Variants in FMO4 observed in about 807,000 individuals in gnomAD.
The protein encoded by FMO4 is flavin containing dimethylaniline monoxygenase 4.
A neutral mutation model predicts 43.3 loss-of-function variants in FMO4; 38 were observed. The observed-to-expected ratio is 0.88, with a 90% confidence interval of 0.68 to 1.15. The LOEUF (loss-of-function observed/expected upper bound fraction) is 1.15, where lower values mean the gene tolerates loss of function less well. Among genes scored for constraint, FMO4 ranks in the 50% most tolerant of loss-of-function variants. The pLI is 0.00. For synonymous variants in FMO4, 224 were observed against 232.2 expected, an observed-to-expected ratio of 0.96 and a Z score of 0.32; for missense variants, 631 against 663.3, an observed-to-expected ratio of 0.95 and a Z score of 0.54.
intron 8 of FMO4, among the ~76,000 whole-genome samples, chr1:171,336,616 T>A (rs1455022080): frequency 6.6e-6 from 1 of 152,046 alleles, no homozygotes; most frequent in Non-Finnish European, 1.5e-5. Context: ...AAGTGGGTTT[T>A]TTTTAGAGAC....
At position 171,340,897 on chromosome 1, in the gene FMO4, T is replaced by A. The variant is rs554208185; in HGVS notation, c.1251-516T>A. 2.3e-3 allele frequency among the ~76,000 whole-genome samples: 347 copies of A among 152,188 alleles called. 1 individual carries two copies. The highest frequency in any genetic ancestry group is 7.5e-3 in the African/African-American group (311 of 41,568). On this transcript the variant is annotated intron_variant, in intron 9 of 9. Transcript: ENST00000367749. ...AAAATGAGTATTTGGTCCAAAAAAA[T>A]TAAAAATAATTAAGATTTTAGGGCT...
intron 4 of FMO4, 24 bp downstream of exon 4, chr1:171,323,216 G>T (rs1415599815): frequency 1.3e-6 from 2 of 1,482,454 alleles, no homozygotes; most frequent in Admixed American, 3.5e-5. Context: ...GGTTATGGAA[G>T]ATGAATAGAT....
chr1:171,330,813 A>G (rs1342243857), intron 5 of FMO4, among the ~76,000 whole-genome samples: 2 of 152,220 alleles, frequency 1.3e-5, no homozygotes, highest in Non-Finnish European at 2.9e-5. Flanking sequence ...ATGAATCAAA[A>G]GAAGAAATAT....
intron 5 of FMO4, among the ~76,000 whole-genome samples, chr1:171,325,906 G>A (rs150007298): frequency 7.9e-6 from 1 of 125,800 alleles, no homozygotes; most frequent in Non-Finnish European, 1.6e-5. Context: ...GGAGTGCAGT[G>A]GTGCCATCTA....
intron 1 of FMO4, among the ~76,000 whole-genome samples, chr1:171,314,950 A>G (rs1346216906): frequency 2.0e-5 from 3 of 152,142 alleles, no homozygotes; most frequent in Non-Finnish European, 4.4e-5. Flanking sequence ...CCGTTGTACA[A>G]AGGTCTAGTT....
At chr1:171,324,402 C>T (rs1441074924) in intron 5 of FMO4, 102 bp downstream of exon 5, 38 of 856,194 alleles carry the variant, frequency 4.4e-5, no homozygotes, top group Non-Finnish European at 1.1e-5. Context: ...TTATAGATGG[C>T]TTTATATTCA....
At chr1:171,331,521 G>A in intron 5 of FMO4, 119 bp from the exon 6 acceptor site, 8 of 880,298 alleles carry the variant, frequency 9.1e-6, no homozygotes, top group East Asian at 2.5e-5. Context: ...GCCACAAGCA[G>A]CATAAGCAAA....
intron 5 of FMO4, among the ~76,000 whole-genome samples, chr1:171,326,545 A>AC (rs1662677192): frequency 1.3e-5 from 2 of 152,232 alleles, no homozygotes; most frequent in Non-Finnish European, 2.9e-5. Context: ...CAGGTTTCTG[A>AC]AGGGAACAGG....
intron 9 of FMO4, among the ~76,000 whole-genome samples, chr1:171,340,799 T>C (rs1358686144): frequency 6.6e-6 from 1 of 152,198 alleles, no homozygotes; most frequent in Non-Finnish European, 1.5e-5. Context: ...TCCATCTTTT[T>C]CTTTTTAGCC....
Position 171,325,817 on chromosome 1 carries a change from C to T in FMO4, c.484+1517C>T, listed in dbSNP as rs866610583. Among the ~76,000 whole-genome samples, 213 of 51,018 alleles carry T rather than the reference C, an allele frequency of 4.2e-3. 1 individual carries two copies. The highest frequency in any genetic ancestry group is 0.018 in the Middle Eastern group (1 of 56). 33.5% of individuals were successfully genotyped at this position (51,018 alleles called of 152,430 possible). ...TAAATTCAGTTCCACATAGACTATC[C>T]TTTTTTTTTTTTTTTTTTTTTTTTT... is the stretch of plus-strand genomic sequence containing the variant. On this transcript the variant is annotated intron_variant, in intron 5 of 9. Transcript: ENST00000367749.
At chr1:171,330,345 G>C (rs183437725) in intron 5 of FMO4, among the ~76,000 whole-genome samples, 1 of 152,282 alleles carries the variant, frequency 6.6e-6, no homozygotes. Flanking sequence ...CATTGTTGCT[G>C]CTGCTGCTGT....
At chr1:171,329,567 C>T (rs555413202) in intron 5 of FMO4, among the ~76,000 whole-genome samples, 13 of 152,318 alleles carry the variant, frequency 8.5e-5, no homozygotes, top group African/African-American at 1.4e-4. Flanking sequence ...CACCATCCCT[C>T]GAAGGCAGTC....
chr1:171,321,227 AG>A (rs984427786), intron 3 of FMO4, among the ~76,000 whole-genome samples: 2 of 152,188 alleles, frequency 1.3e-5, no homozygotes, highest in African/African-American at 4.8e-5. Flanking sequence ...GTAAACAAAT[AG>A]GGAAAAAAAA....
Position 171,327,454 on chromosome 1 carries a change from G to C in FMO4, c.484+3154G>C, listed in dbSNP as rs1308874793. Reference sequence around the variant, plus strand: ...CTTAACCTCCCTGTTTTGTTTGTTTGGTTGGTTGGTTTTTGTTTTTTTGCA... The same window carrying C: ...CTTAACCTCCCTGTTTTGTTTGTTTCGTTGGTTGGTTTTTGTTTTTTTGCA... On this transcript the variant is annotated intron_variant, in intron 5 of 9. Coordinates refer to ENST00000367749, the MANE Select transcript of FMO4 (RefSeq NM_002022.3). 2.0e-5 allele frequency among the ~76,000 whole-genome samples: 3 copies of C among 152,068 alleles called. No individual in the cohort carries two copies. In the East Asian group the frequency reaches 5.8e-4, roughly 29 times the overall value.
In FMO4 at chr1:171,334,743, G is replaced by A; in HGVS notation, c.1160G>A (p.Trp387Ter). ...TCAGGCACAGAGCTCCAAGCACGAT[G>A]GGTCACAAGAGTATTCAAAGGTACC... is the stretch of plus-strand genomic sequence containing the variant. ...ILSGTELQAR[W>*]VTRVFKGLCK... The change falls in exon 8 of 10, where the codon TGG becomes TAG. Residue 387 changes from tryptophan (W) to a stop codon, truncating the protein, a stop_gained. Coordinates refer to ENST00000367749, the MANE Select transcript of FMO4 (RefSeq NM_002022.3). LOFTEE classifies it high-confidence loss of function. 1.3e-6 allele frequency: 2 copies of A among 1,578,016 alleles called. No individual in the cohort carries two copies. Among genetic ancestry groups the A allele is most frequent in the Non-Finnish European group, 1.7e-6 (2 of 1,167,006 alleles).
intron 5 of FMO4, among the ~76,000 whole-genome samples, chr1:171,324,536 T>TAATTCA (rs1662580457): frequency 2.0e-5 from 3 of 152,306 alleles, no homozygotes; most frequent in Admixed American, 2.0e-4. Flanking sequence ...AATGTGTGTC[T>TAATTCA]AATTCAAATT....
rs767244751 is a variant in FMO4, at chr1:171,331,711, C to T, written c.556C>T (p.Arg186Cys). Residue 186 changes from arginine (R) to cysteine (C), a missense_variant, in exon 6 of 10, where the codon CGC becomes TGC. By Grantham distance (180) the Arg-to-Cys change is radical. Transcript: ENST00000367749. ...YKIPEGFQGKRVLVIGLGNTG... is the reference protein window; with the variant it reads ...YKIPEGFQGKCVLVIGLGNTG... ...GATCCCAGAAGGCTTTCAGGGCAAACGCGTCTTGGTGATTGGTCTTGGGAA... is the reference window on the plus strand; with the variant it reads ...GATCCCAGAAGGCTTTCAGGGCAAATGCGTCTTGGTGATTGGTCTTGGGAA... The T allele has an allele frequency of 1.2e-5, 19 of 1,613,754 alleles. No homozygotes were observed. The highest frequency in any genetic ancestry group is 6.7e-5 in the Admixed American group (4 of 60,008).
In FMO4 at chr1:171,329,585, C is replaced by T. The variant is rs147455842; in HGVS notation, c.485-2055C>T. Among the ~76,000 whole-genome samples, 7 of 152,338 alleles carry T rather than the reference C, an allele frequency of 4.6e-5. No homozygotes were observed. In the East Asian group the frequency reaches 7.7e-4, roughly 17 times the overall value. On this transcript the variant is annotated intron_variant, in intron 5 of 9. Transcript: ENST00000367749. Reference sequence around the variant, plus strand: ...CATCCCTCGAAGGCAGTCCCAGTCACGGCCTTACAAGCACCAGTTGCTGTG... The same window carrying T: ...CATCCCTCGAAGGCAGTCCCAGTCATGGCCTTACAAGCACCAGTTGCTGTG...
intron 1 of FMO4, among the ~76,000 whole-genome samples, chr1:171,314,989 G>A (rs1662137338): frequency 6.6e-6 from 1 of 152,038 alleles, no homozygotes; most frequent in Non-Finnish European, 1.5e-5. Context: ...TTCTGCCAAG[G>A]GACTAAATAT....
Sources: gnomAD v4.1 joint callset for allele counts (sites outside exome capture counted in the v4.1 genomes callset) on GRCh38, gnomAD v4.1.1 for gene constraint, MANE v1.5 for transcripts, NCBI Gene and HGNC (gene_info 2026-07-23, HGNC 2026-07-21) for gene names.